Variants in MSANTD7 observed in about 807,000 individuals in gnomAD.
The protein encoded by MSANTD7 is zinc finger and SCAN domain containing 29.
chr10:14,843,834 T>G, the MSANTD7 span: 6 of 1,536,392 alleles, frequency 3.9e-6, no homozygotes, highest in Non-Finnish European at 5.2e-6. Flanking sequence ...AGGCAACTGG[T>G]GCTTTTCAGC....
the MSANTD7 span, chr10:14,842,632 T>C: frequency 6.5e-7 from 1 of 1,536,192 alleles, no homozygotes; most frequent in Non-Finnish European, 8.7e-7. The surrounding 1 kb of genome is among the most constrained non-coding windows in gnomAD (Gnocchi z 5.2). Context: ...AGGATGCTGC[T>C]TGGGCCAAGC....
the MSANTD7 span, chr10:14,844,144 C>G: frequency 7.6e-7 from 1 of 1,314,066 alleles, no homozygotes. Context: ...CTGGTTCATC[C>G]TAGCTTTGTC....
At chr10:14,842,280 CCA>C in the MSANTD7 span, 1 of 1,534,942 alleles carries the variant, frequency 6.5e-7, no homozygotes, top group South Asian at 1.2e-5. This position sits in a 1 kb window ranked among gnomAD's most constrained non-coding sequence, Gnocchi z 5.2. Context: ...CCTTTCCAAC[CCA>C]CAATGGCCAG....
the MSANTD7 span, chr10:14,843,807 G>A: frequency 6.5e-7 from 1 of 1,536,348 alleles, no homozygotes; most frequent in Admixed American, 2.0e-5. Flanking sequence ...TCAGACGTTT[G>A]GCAACAGCAG....
At chr10:14,844,978 T>G in the MSANTD7 span, 1 of 985,368 alleles carries the variant, frequency 1.0e-6, no homozygotes, top group African/African-American at 1.7e-5. Flanking sequence ...GACAGAAGTT[T>G]ATGTAGTTAA....
the MSANTD7 span, chr10:14,843,611 G>A: frequency 6.4e-7 from 1 of 1,550,600 alleles, no homozygotes; most frequent in Non-Finnish European, 8.7e-7. Context: ...CCTCCAAGGT[G>A]GGCAAGGCGA....
chr10:14,840,167 C>G, the MSANTD7 span: 1 of 1,287,930 alleles, frequency 7.8e-7, no homozygotes, highest in South Asian at 1.8e-5. Flanking sequence ...GGTATGGAAT[C>G]AAATGATACT....
At chr10:14,840,064 T>A in the MSANTD7 span, 75 of 1,291,042 alleles carry the variant, frequency 5.8e-5, no homozygotes, top group Middle Eastern at 2.7e-4. Flanking sequence ...ATATATTATT[T>A]TTTTTTTCAG....
the MSANTD7 span, chr10:14,838,607 C>G: frequency 2.8e-6 from 2 of 723,512 alleles, no homozygotes; most frequent in South Asian, 2.0e-5. Flanking sequence ...AGCGAAGGGC[C>G]GGGCAGGCCC....
chr10:14,846,664 C>T, the MSANTD7 span: 37 of 940,272 alleles, frequency 3.9e-5, no homozygotes, highest in Non-Finnish European at 4.4e-5. Flanking sequence ...TCCTACCTAC[C>T]TCACAGGGGT....
chr10:14,842,556 C>A, the MSANTD7 span: 1 of 1,536,138 alleles, frequency 6.5e-7, no homozygotes, highest in South Asian at 1.2e-5. The surrounding 1 kb of genome is among the most constrained non-coding windows in gnomAD (Gnocchi z 5.2). Context: ...CCACACTGTC[C>A]ATTTTATGAT....
the MSANTD7 span, chr10:14,840,272 G>T: frequency 2.3e-6 from 1 of 428,636 alleles, no homozygotes; most frequent in East Asian, 4.4e-5. Context: ...TGCTTTTTAT[G>T]ACTGAGTCAT....
chr10:14,843,549 T>C, the MSANTD7 span: 2 of 1,550,654 alleles, frequency 1.3e-6, no homozygotes, highest in Non-Finnish European at 1.7e-6. Context: ...CAGTCTCCTC[T>C]TCGAGAGCTG....
the MSANTD7 span, chr10:14,846,550 C>G: frequency 4.1e-6 from 4 of 985,236 alleles, no homozygotes; most frequent in South Asian, 1.9e-4. Flanking sequence ...AGGAATCTGC[C>G]TATGTGGTAG....
At chr10:14,843,511 C>A in the MSANTD7 span, 1 of 1,550,674 alleles carries the variant, frequency 6.4e-7, no homozygotes, top group Non-Finnish European at 8.7e-7. Flanking sequence ...CCGCAGCACT[C>A]CTGGGGTAGC....
chr10:14,841,147 T>G, the MSANTD7 span: 11 of 152,240 alleles, frequency 7.2e-5, no homozygotes, highest in African/African-American at 2.7e-4. Flanking sequence ...TTGAACTTGA[T>G]ATTAATCTTT....
the MSANTD7 span, chr10:14,842,262 C>T: frequency 6.5e-7 from 1 of 1,535,056 alleles, no homozygotes; most frequent in South Asian, 1.2e-5. The surrounding 1 kb of genome is among the most constrained non-coding windows in gnomAD (Gnocchi z 5.2). Flanking sequence ...CAGAAGCTGC[C>T]TAGCCCTCCT....
At chr10:14,842,919 G>A in the MSANTD7 span, 2 of 1,074,894 alleles carry the variant, frequency 1.9e-6, no homozygotes, top group South Asian at 1.6e-5. The surrounding 1 kb of genome is among the most constrained non-coding windows in gnomAD (Gnocchi z 5.2). Context: ...TGTCTGTTTG[G>A]ATAGTGTCCT....
the MSANTD7 span, chr10:14,843,569 C>T: frequency 1.3e-6 from 2 of 1,550,674 alleles, no homozygotes; most frequent in African/African-American, 2.7e-5. Flanking sequence ...GGTTTTGTTT[C>T]TGGTGGGGAT....
Sources: allele counts gnomAD v4.1 joint callset, GRCh38; gene constraint gnomAD v4.1.1; non-coding constraint Gnocchi (gnomAD v3.1); transcripts MANE v1.5; gene names NCBI Gene and HGNC (gene_info 2026-07-23, HGNC 2026-07-21).